TAS2R1: variants seen among roughly 807,000 people sequenced by gnomAD.
The protein encoded by TAS2R1 is taste 2 receptor member 1, also known as taste receptor type 2 member 1.
For missense variants in TAS2R1, 370 were observed against 353.4 expected, an observed-to-expected ratio of 1.05 and a Z score of -0.38; for synonymous variants, 141 against 134.2, an observed-to-expected ratio of 1.05 and a Z score of -0.35.
chr5:9,757,333 C>G, the TAS2R1 span, among the ~76,000 whole-genome samples: 1 of 152,178 alleles, frequency 6.6e-6, no homozygotes, highest in South Asian at 2.1e-4. Context: ...CTGCCTTTCT[C>G]TGTCATGACC....
At chr5:9,881,737 G>C in the TAS2R1 span, among the ~76,000 whole-genome samples, 1 of 152,110 alleles carries the variant, frequency 6.6e-6, no homozygotes, top group Non-Finnish European at 1.5e-5. Context: ...CAACAAACCT[G>C]ACAAAAACAA....
At chr5:9,752,284 T>A in the TAS2R1 span, among the ~76,000 whole-genome samples, 1 of 152,226 alleles carries the variant, frequency 6.6e-6, no homozygotes, top group Non-Finnish European at 1.5e-5. Context: ...TGGTATTCAC[T>A]GTCTTGTCAG....
chr5:9,651,861 T>A lies in TAS2R1; in HGVS notation c.-81+7560A>T, dbSNP rs115808280. On this transcript the variant is annotated intron_variant, in intron 2 of 2. Coordinates refer to the TAS2R1 transcript ENST00000506620. ...AGCATCTGAGATGGGAAAGTCATCT[T>A]CAGCCCACCAACAAGCCCTGAGCGG... 8.7e-3 allele frequency among the ~76,000 whole-genome samples: 1,332 copies of A among 152,260 alleles called. 27 individuals carry two copies. The highest frequency in any genetic ancestry group is 0.031 in the African/African-American group (1,269 of 41,548).
chr5:9,743,896 T>C, the TAS2R1 span, among the ~76,000 whole-genome samples: 1 of 152,252 alleles, frequency 6.6e-6, no homozygotes, highest in South Asian at 2.1e-4. Flanking sequence ...TGTATTTTTA[T>C]GTTTAGGACA....
chr5:9,700,003 A>G (rs1741443771), intron 1 of TAS2R1, among the ~76,000 whole-genome samples: 1 of 152,198 alleles, frequency 6.6e-6, no homozygotes, highest in Non-Finnish European at 1.5e-5. Context: ...CCCATAATTT[A>G]TCAGGTAATG....
chr5:9,872,804 A>AT, the TAS2R1 span, among the ~76,000 whole-genome samples: 1 of 152,238 alleles, frequency 6.6e-6, no homozygotes, highest in Non-Finnish European at 1.5e-5. Context: ...AAAAGATAAT[A>AT]ACCATACTCT....
the TAS2R1 span, among the ~76,000 whole-genome samples, chr5:9,811,723 A>T: frequency 2.0e-5 from 3 of 152,158 alleles, no homozygotes; most frequent in Admixed American, 1.3e-4. Context: ...CATTCAGGCC[A>T]ATGAAACCCA....
chr5:9,691,961 G>A (rs1414828411), intron 1 of TAS2R1, among the ~76,000 whole-genome samples: 1 of 152,106 alleles, frequency 6.6e-6, no homozygotes, highest in Non-Finnish European at 1.5e-5. Flanking sequence ...TTGCACTTTG[G>A]GTTCAAATTA....
At chr5:9,692,196 G>A (rs966243004) in intron 1 of TAS2R1, among the ~76,000 whole-genome samples, 12 of 152,148 alleles carry the variant, frequency 7.9e-5, no homozygotes, top group Non-Finnish European at 1.0e-4. Flanking sequence ...TTGTCAGAGC[G>A]CATCTGCAGC....
At chr5:9,817,818 G>A in the TAS2R1 span, among the ~76,000 whole-genome samples, 7 of 151,902 alleles carry the variant, frequency 4.6e-5, no homozygotes, top group Admixed American at 2.6e-4. Flanking sequence ...TTACAATCAC[G>A]GTAGAAGGTG....
At chr5:9,874,734 T>A in the TAS2R1 span, among the ~76,000 whole-genome samples, 1 of 152,170 alleles carries the variant, frequency 6.6e-6, no homozygotes, top group Non-Finnish European at 1.5e-5. Context: ...AAGTCCTGGG[T>A]AGAGATGCCA....
At chr5:9,765,199 A>G in the TAS2R1 span, among the ~76,000 whole-genome samples, 2 of 152,154 alleles carry the variant, frequency 1.3e-5, no homozygotes, top group African/African-American at 4.8e-5. Context: ...TTCTATAATA[A>G]TAAAAATAGT....
At chr5:9,732,532 G>A in the TAS2R1 span, among the ~76,000 whole-genome samples, 3 of 152,152 alleles carry the variant, frequency 2.0e-5, no homozygotes, top group African/African-American at 2.4e-5. Context: ...TGTCCCAGAG[G>A]CATAGACAGG....
chr5:9,832,271 C>T, the TAS2R1 span, among the ~76,000 whole-genome samples: 1 of 152,228 alleles, frequency 6.6e-6, no homozygotes, highest in Non-Finnish European at 1.5e-5. Context: ...GCATGCCCTC[C>T]TTATTCACAT....
chr5:9,900,323 A>G, the TAS2R1 span, among the ~76,000 whole-genome samples: 2 of 152,242 alleles, frequency 1.3e-5, no homozygotes, highest in African/African-American at 4.8e-5. Context: ...TCCTTTCCAC[A>G]GATGTTAGCT....
the TAS2R1 span, among the ~76,000 whole-genome samples, chr5:9,823,456 G>A: frequency 4.0e-5 from 6 of 148,572 alleles, no homozygotes; most frequent in Non-Finnish European, 6.0e-5. Context: ...AGGGAGGGAG[G>A]AAGGGAGGAA....
the TAS2R1 span, among the ~76,000 whole-genome samples, chr5:9,895,766 A>T: frequency 6.6e-6 from 1 of 152,332 alleles, no homozygotes; most frequent in South Asian, 2.1e-4. Context: ...CAGACAGTGC[A>T]ATATTCTGTG....
chr5:9,678,637 C>G (rs932407865), intron 1 of TAS2R1, among the ~76,000 whole-genome samples: 2 of 152,122 alleles, frequency 1.3e-5, no homozygotes, highest in Non-Finnish European at 2.9e-5. Flanking sequence ...TGCAGGGACA[C>G]AGATGGACCT....
the TAS2R1 span, among the ~76,000 whole-genome samples, chr5:9,804,299 G>T: frequency 6.6e-6 from 1 of 152,018 alleles, no homozygotes; most frequent in Non-Finnish European, 1.5e-5. Context: ...AACAGTGGGG[G>T]ACTTTAATAC....
Sources: allele counts gnomAD v4.1 joint callset (sites outside exome capture counted in the v4.1 genomes callset), GRCh38; gene constraint gnomAD v4.1.1; transcripts MANE v1.5; gene names NCBI Gene and HGNC (gene_info 2026-07-23, HGNC 2026-07-21).